ZSWIM6: variants seen among roughly 807,000 people sequenced by gnomAD.
ZSWIM6 encodes zinc finger SWIM domain-containing protein 6.
ZSWIM6 carries 9 observed loss-of-function variants against 113.2 expected under a neutral mutation model. That is an observed-to-expected ratio of 0.08 (90% CI 0.05 to 0.14). The LOEUF is 0.14. ZSWIM6 is among the 10% of genes least tolerant of loss of function. The pLI, the probability that ZSWIM6 is intolerant of heterozygous loss-of-function variation, is 1.00. For missense variants in ZSWIM6, 1,162 were observed against 1,552.2 expected, an observed-to-expected ratio of 0.75 and a Z score of 4.22; for synonymous variants, 611 against 606.5, an observed-to-expected ratio of 1.01 and a Z score of -0.11.
chr5:61,384,247 CAAAAAAAAAAA>C (rs57899277), intron 1 of ZSWIM6, among the ~76,000 whole-genome samples: 1 of 77,514 alleles, frequency 1.3e-5, no homozygotes, highest in Non-Finnish European at 2.8e-5. Flanking sequence ...GACTCCGTCT[CAAAAAAAAAAA>C]AAAAAAAAAA....
intron 4 of ZSWIM6, among the ~76,000 whole-genome samples, chr5:61,498,198 A>G (rs191931294): frequency 7.2e-5 from 11 of 152,320 alleles, no homozygotes; most frequent in Admixed American, 5.2e-4. Flanking sequence ...TATCACAGGG[A>G]AATATTCTTA....
rs898188372 is a variant in ZSWIM6 at position 61,543,433 on chromosome 5, A to T, written c.2786-22A>T. 6.5e-7 allele frequency: 1 copy of T among 1,537,322 alleles called. No homozygotes were observed. The highest frequency in any genetic ancestry group is 1.4e-5 in the African/African-American group (1 of 72,804). ...TGGGCAGCCTCCTCGTCAGTAATAG[A>T]GCCTGTTTGTGTTCCTTGCAGGGGT... On this transcript the variant is annotated intron_variant, in intron 13 of 13. Coordinates refer to ENST00000252744, the MANE Select transcript of ZSWIM6 (RefSeq NM_020928.2). This position sits in a 1 kb window ranked among gnomAD's most constrained non-coding sequence, Gnocchi z 4.3.
chr5:61,346,947 TA>T (rs1191919927), intron 1 of ZSWIM6, among the ~76,000 whole-genome samples: 1 of 152,256 alleles, frequency 6.6e-6, no homozygotes, highest in African/African-American at 2.4e-5. Flanking sequence ...ATGAATTTTT[TA>T]AAAAAGTACA....
At chr5:61,393,101 G>A (rs908480353) in intron 1 of ZSWIM6, among the ~76,000 whole-genome samples, 4 of 151,782 alleles carry the variant, frequency 2.6e-5, no homozygotes, top group African/African-American at 9.7e-5. Flanking sequence ...GTGCAGTGGT[G>A]CGATCTTGGC....
chr5:61,466,456 CT>C (rs1424664338), intron 1 of ZSWIM6, among the ~76,000 whole-genome samples: 2 of 152,064 alleles, frequency 1.3e-5, no homozygotes, highest in African/African-American at 4.8e-5. Context: ...CCTGGGGGTT[CT>C]TTTTATTTAG....
At chr5:61,537,871 T>C (rs1403730497) in intron 10 of ZSWIM6, among the ~76,000 whole-genome samples, 1 of 152,266 alleles carries the variant, frequency 6.6e-6, no homozygotes, top group Admixed American at 6.5e-5. Flanking sequence ...TCTACTAAGC[T>C]TTTTGGTACT....
At chr5:61,345,862 A>G (rs1452577371) in intron 1 of ZSWIM6, among the ~76,000 whole-genome samples, 1 of 152,232 alleles carries the variant, frequency 6.6e-6, no homozygotes, top group African/African-American at 2.4e-5. Flanking sequence ...GAAATAAGAA[A>G]GCTTATGTTG....
intron 1 of ZSWIM6, among the ~76,000 whole-genome samples, chr5:61,336,272 AAAG>A (rs1744392569): frequency 6.6e-6 from 1 of 152,146 alleles, no homozygotes; most frequent in African/African-American, 2.4e-5. Context: ...TCAAAAAAGA[AAAG>A]AAGAATTGAT....
At chr5:61,333,527 G>A (rs1744315954) in intron 1 of ZSWIM6, among the ~76,000 whole-genome samples, 1 of 152,050 alleles carries the variant, frequency 6.6e-6, no homozygotes, top group Non-Finnish European at 1.5e-5. Context: ...GGCTCCGACG[G>A]GCGAGCGGCC....
At chr5:61,487,016 G>A (rs1748036550) in intron 2 of ZSWIM6, among the ~76,000 whole-genome samples, 1 of 151,972 alleles carries the variant, frequency 6.6e-6, no homozygotes, top group Non-Finnish European at 1.5e-5. Context: ...GTGTCCAGGA[G>A]AATTTTCCCT....
intron 1 of ZSWIM6, among the ~76,000 whole-genome samples, chr5:61,413,519 G>A (rs553810372): frequency 3.9e-5 from 6 of 152,188 alleles, no homozygotes; most frequent in African/African-American, 1.2e-4. Context: ...ATGATTTATA[G>A]TCCTTTGGGT....
chr5:61,455,771 T>C (rs936980476), intron 1 of ZSWIM6, among the ~76,000 whole-genome samples: 18 of 151,982 alleles, frequency 1.2e-4, no homozygotes, highest in Non-Finnish European at 2.4e-4. Context: ...TAAGCAAGTG[T>C]TAAGTTAGAT....
chr5:61,442,856 ATACTC>A (rs1466122626), intron 1 of ZSWIM6, among the ~76,000 whole-genome samples: 1 of 152,236 alleles, frequency 6.6e-6, no homozygotes, highest in African/African-American at 2.4e-5. Context: ...TTATAAGAGT[ATACTC>A]TACTCCATTG....
At chr5:61,371,031 G>A (rs573739557) in intron 1 of ZSWIM6, among the ~76,000 whole-genome samples, 2 of 152,308 alleles carry the variant, frequency 1.3e-5, no homozygotes, top group East Asian at 3.9e-4. Context: ...ACGAGCTCTG[G>A]GGACAAACTG....
At chr5:61,363,582 CTT>C (rs1169421249) in intron 1 of ZSWIM6, among the ~76,000 whole-genome samples, 4 of 152,030 alleles carry the variant, frequency 2.6e-5, no homozygotes, top group Non-Finnish European at 4.4e-5. Context: ...ATTACGGAAA[CTT>C]ATTATTGGCA....
At chr5:61,425,491 CT>C (rs1315577226) in intron 1 of ZSWIM6, among the ~76,000 whole-genome samples, 1 of 152,110 alleles carries the variant, frequency 6.6e-6, no homozygotes, top group African/African-American at 2.4e-5. Flanking sequence ...CACCGTGGTT[CT>C]AGACTATAAT....
At chr5:61,515,097 C>G (rs1051462392) in intron 4 of ZSWIM6, among the ~76,000 whole-genome samples, 1 of 152,104 alleles carries the variant, frequency 6.6e-6, no homozygotes, top group Admixed American at 6.6e-5. Flanking sequence ...TTGTGACTTT[C>G]AAGGAATTTT....
In ZSWIM6 at chr5:61,332,501, C is replaced by T. The variant is rs1224336978; in HGVS notation, c.229C>T (p.Leu77=). The change falls in exon 1 of 14, where the codon CTG becomes TTG. Residue 77 remains leucine (L), a synonymous_variant. Coordinates refer to ENST00000252744, the MANE Select transcript of ZSWIM6 (RefSeq NM_020928.2). ...GGGCAAGACCCAGAGCCCCGAGTCG[C>T]TGCTGGACATCGCGGCGCGCAGGGT... ...PPGKTQSPES[L]LDIAARRVAE... 3.1e-6 allele frequency: 4 copies of T among 1,300,622 alleles called. No individual in the cohort carries two copies. The highest frequency in any genetic ancestry group is 4.0e-6 in the Non-Finnish European group (4 of 995,770). The allele number at this position is 1,300,622 out of a possible 1,614,324, so 80.6% of individuals were successfully genotyped here.
intron 1 of ZSWIM6, among the ~76,000 whole-genome samples, chr5:61,466,220 A>C (rs1747432253): frequency 6.6e-6 from 1 of 152,164 alleles, no homozygotes; most frequent in South Asian, 2.1e-4. Flanking sequence ...TTTTTTGGGC[A>C]ATGATTAACT....
Sources: allele counts gnomAD v4.1 joint callset (sites outside exome capture counted in the v4.1 genomes callset), GRCh38; gene constraint gnomAD v4.1.1; non-coding constraint Gnocchi (gnomAD v3.1); transcripts MANE v1.5; gene names NCBI Gene and HGNC (gene_info 2026-07-23, HGNC 2026-07-21).